Variants in TENM2 observed in about 807,000 individuals in gnomAD.
TENM2 encodes teneurin transmembrane protein 2.
TENM2 carries 52 observed loss-of-function variants against 245.2 expected under a neutral mutation model. The ratio of observed to expected loss-of-function variants is 0.21; its 90% CI spans 0.17 to 0.27. TENM2 has a LOEUF of 0.27. TENM2 is among the 10% of genes least tolerant of loss of function. The probability of loss-of-function intolerance (pLI) is 1.00; values close to 1 mark genes in which losing one functional copy is unlikely to be tolerated. For missense variants in TENM2, 3,046 were observed against 3,666.8 expected (o/e 0.83, Z 4.37); for synonymous variants, 1,363 against 1,438.9 (o/e 0.95, Z 1.19).
chr5:167,989,458 A>T (rs1321543063), intron 4 of TENM2, among the ~76,000 whole-genome samples: 1 of 152,144 alleles, frequency 6.6e-6, no homozygotes, highest in Non-Finnish European at 1.5e-5. Context: ...GTTAAGACAA[A>T]GTGTGTCTTT....
At chr5:168,195,205 T>A in exon 15 of TENM2, 1 of 1,607,554 alleles carries the variant, frequency 6.2e-7, no homozygotes, top group Non-Finnish European at 8.5e-7. Context: ...GGCCAAGTAG[T>A]AACTACAGAT....
chr5:168,084,677 G>A (rs1562138549), intron 7 of TENM2, among the ~76,000 whole-genome samples: 2 of 152,198 alleles, frequency 1.3e-5, no homozygotes, highest in Non-Finnish European at 2.9e-5. Context: ...CAGGAACAGA[G>A]AGAAGAGCAG....
chr5:167,916,137 G>A (rs933450983), intron 3 of TENM2, among the ~76,000 whole-genome samples: 1 of 152,224 alleles, frequency 6.6e-6, no homozygotes, highest in Non-Finnish European at 1.5e-5. Context: ...ATGAGTTTGT[G>A]TTATGTCCAT....
the TENM2 span, among the ~76,000 whole-genome samples, chr5:167,015,399 G>A: frequency 7.2e-5 from 11 of 152,136 alleles, no homozygotes; most frequent in African/African-American, 2.4e-4. Context: ...GCCTGCGTGT[G>A]TTTGGCTGAG....
At chr5:167,435,527 T>C (rs1024255636) in intron 2 of TENM2, among the ~76,000 whole-genome samples, 1 of 152,326 alleles carries the variant, frequency 6.6e-6, no homozygotes, top group African/African-American at 2.4e-5. Flanking sequence ...CTCTTTCTTT[T>C]GTAAATTACC....
chr5:167,892,984 C>G (rs1774879666), intron 3 of TENM2, among the ~76,000 whole-genome samples: 2 of 152,206 alleles, frequency 1.3e-5, no homozygotes, highest in African/African-American at 4.8e-5. Context: ...CCACAGAACT[C>G]AGAACCTTTG....
At chr5:167,545,210 C>T (rs1367380214) in intron 2 of TENM2, among the ~76,000 whole-genome samples, 1 of 152,070 alleles carries the variant, frequency 6.6e-6, no homozygotes, top group Admixed American at 6.6e-5. Flanking sequence ...CATAATACTG[C>T]CTTGTTCTTA....
intron 2 of TENM2, among the ~76,000 whole-genome samples, chr5:167,379,441 CATTT>C (rs970793014): frequency 6.6e-6 from 1 of 152,100 alleles, no homozygotes; most frequent in Non-Finnish European, 1.5e-5. Flanking sequence ...AAGTTGCATT[CATTT>C]GTCATTTAAG....
chr5:168,262,214 AAAG>A, exon 29 of TENM2: 1 of 1,608,390 alleles, frequency 6.2e-7, no homozygotes, highest in Non-Finnish European at 8.5e-7. Flanking sequence ...GTTTGCCATC[AAAG>A]AAGGGCGGGT....
the TENM2 span, among the ~76,000 whole-genome samples, chr5:167,073,760 G>C: frequency 6.6e-6 from 1 of 152,152 alleles, no homozygotes; most frequent in African/African-American, 2.4e-5. Flanking sequence ...AGAGTGCAAA[G>C]GCCTTTTGGA....
intron 4 of TENM2, among the ~76,000 whole-genome samples, chr5:167,984,175 G>C (rs35924737): frequency 6.6e-6 from 1 of 152,074 alleles, no homozygotes; most frequent in African/African-American, 2.4e-5. Flanking sequence ...TCTCAGTCTA[G>C]GATTTGCAGA....
chr5:168,217,003 G>T, intron 22 of TENM2, 81 bp downstream of exon 24: 1 of 1,515,892 alleles, frequency 6.6e-7, no homozygotes. Context: ...TGTTTGGTTT[G>T]GAAGTGGAAT....
chr5:167,957,179 G>A (rs895618084), intron 4 of TENM2, among the ~76,000 whole-genome samples: 10 of 151,818 alleles, frequency 6.6e-5, no homozygotes, highest in Admixed American at 2.6e-4. Context: ...TCAGGGATTC[G>A]ACTTCTTCCT....
intron 2 of TENM2, among the ~76,000 whole-genome samples, chr5:167,477,264 T>TA (rs10545252): frequency 5.8e-4 from 82 of 140,472 alleles, no homozygotes; most frequent in East Asian, 1.0e-3. Context: ...TGAATAATAG[T>TA]AAAAAAAAAA....
intron 6 of TENM2, among the ~76,000 whole-genome samples, chr5:168,058,299 A>G (rs138720414): frequency 1.6e-4 from 25 of 152,316 alleles, no homozygotes; most frequent in South Asian, 1.0e-3. Context: ...ATCCAGTTCA[A>G]TAAGCATTTA....
intron 2 of TENM2, among the ~76,000 whole-genome samples, chr5:167,813,853 A>AT (rs1766830140): frequency 2.0e-5 from 3 of 152,082 alleles, no homozygotes; most frequent in African/African-American, 7.2e-5. Context: ...TCATCTTTCC[A>AT]CCATCCTACA....
At chr5:167,023,597 CTG>C in the TENM2 span, among the ~76,000 whole-genome samples, 33 of 152,300 alleles carry the variant, frequency 2.2e-4, no homozygotes, top group East Asian at 1.9e-4. Flanking sequence ...TGAAGGATGA[CTG>C]TTTATATTTA....
chr5:167,318,014 G>A (rs1471268150), intron 1 of TENM2, among the ~76,000 whole-genome samples: 1 of 152,208 alleles, frequency 6.6e-6, no homozygotes, highest in Non-Finnish European at 1.5e-5. Flanking sequence ...AGTAGCAGCT[G>A]TGGGAGCTCC....
intron 2 of TENM2, among the ~76,000 whole-genome samples, chr5:167,435,985 T>C (rs1457075135): frequency 1.4e-5 from 2 of 144,848 alleles, no homozygotes; most frequent in Non-Finnish European, 3.0e-5. Context: ...CTTTTTTTTT[T>C]TTTTTTTTTT....
Sources: allele counts gnomAD v4.1 joint callset (sites outside exome capture counted in the v4.1 genomes callset), GRCh38; gene constraint gnomAD v4.1.1; transcripts MANE v1.5; gene names NCBI Gene and HGNC (gene_info 2026-07-23, HGNC 2026-07-21).